The following ST3GAL5 variants were observed in gnomAD, a reference collection of about 807,000 sequenced individuals.
The protein encoded by ST3GAL5 is ST3 beta-galactoside alpha-2,3-sialyltransferase 5, also known as lactosylceramide alpha-2,3-sialyltransferase.
In ST3GAL5, 25 loss-of-function variants were observed where a neutral mutation model predicts 46.1. That is an observed-to-expected ratio of 0.54 (90% CI 0.40 to 0.76). ST3GAL5 has a LOEUF of 0.76. Among genes scored for constraint, ST3GAL5 ranks in the 30% least tolerant of loss-of-function variants. ST3GAL5 has a pLI of 0.00. For missense variants in ST3GAL5, 431 were observed against 521.2 expected, an observed-to-expected ratio of 0.83 and a Z score of 1.69; for synonymous variants, 182 against 192.7, an observed-to-expected ratio of 0.94 and a Z score of 0.46.
rs1682980267 is a variant in ST3GAL5, at chr2:85,847,759, C to A, written c.662+102G>T. On this transcript the variant is annotated intron_variant, in intron 4 of 6. Transcript: ENST00000638572. ...GCAGTGAGCTGAGATCACACCACTG[C>A]ACTCCAGCCTGGACAACAGGAGTGA... 6 of 1,466,706 alleles carry A rather than the reference C, an allele frequency of 4.1e-6. No individual in the cohort carries two copies. The South Asian group carries it at 7.6e-5, about 19-fold the overall frequency. 90.9% of individuals were successfully genotyped at this position (1,466,706 alleles called of 1,614,324 possible). A position where few individuals can be genotyped will look rare whatever the true frequency, so the allele number is the denominator to read the frequency against.
At chr2:85,886,395 TGGAGTACAACACAAG>T (rs1243501393) in intron 1 of ST3GAL5, among the ~76,000 whole-genome samples, 3 of 152,180 alleles carry the variant, frequency 2.0e-5, no homozygotes, top group African/African-American at 7.2e-5. Context: ...AGGCCGCGAC[TGGAGTACAACACAAG>T]GGGAGCTCCC....
At chr2:85,863,536 G>A (rs1180423816) in intron 1 of ST3GAL5, 51 bp from the exon 2 acceptor site, 2 of 1,602,986 alleles carry the variant, frequency 1.2e-6, no homozygotes, top group Non-Finnish European at 1.7e-6. Context: ...GAGAGAGTTA[G>A]GAGGATGGAT....
chr2:85,867,273 TG>T (rs1685389664), intron 1 of ST3GAL5, among the ~76,000 whole-genome samples: 1 of 152,222 alleles, frequency 6.6e-6, no homozygotes, highest in Admixed American at 6.5e-5. Context: ...CAGTGTAACC[TG>T]GAAGTGGGTT....
chr2:85,873,427 G>A (rs1035826336), intron 1 of ST3GAL5, among the ~76,000 whole-genome samples: 2 of 152,156 alleles, frequency 1.3e-5, no homozygotes, highest in Non-Finnish European at 2.9e-5. Flanking sequence ...TATTCAGGAA[G>A]GGGACATGAA....
intron 1 of ST3GAL5, among the ~76,000 whole-genome samples, chr2:85,876,462 CTTTT>C (rs59265377): frequency 1.8e-5 from 2 of 111,246 alleles, no homozygotes; most frequent in Admixed American, 1.1e-4. Flanking sequence ...TTTCTTTTTC[CTTTT>C]TTTTTTTTTT....
chr2:85,845,437 G>T (rs1427215785), intron 5 of ST3GAL5: 1 of 152,230 alleles, frequency 6.6e-6, no homozygotes, highest in African/African-American at 2.4e-5. Context: ...GCAAGTTCAT[G>T]TCTGGAGAAC....
At chr2:85,854,994 G>T (rs1008527850) in intron 3 of ST3GAL5, 3 of 152,284 alleles carry the variant, frequency 2.0e-5, no homozygotes, top group Non-Finnish European at 4.4e-5. Context: ...AAAGAATGCA[G>T]CAAATAGAGG....
At chr2:85,863,095 G>T (rs1294407568) in intron 2 of ST3GAL5, among the ~76,000 whole-genome samples, 1 of 152,210 alleles carries the variant, frequency 6.6e-6, no homozygotes, top group Non-Finnish European at 1.5e-5. Flanking sequence ...CACGGTGAGA[G>T]CTGCTCTCCC....
intron 1 of ST3GAL5, chr2:85,869,934 C>A: frequency 3.5e-6 from 1 of 284,618 alleles, no homozygotes; most frequent in Non-Finnish European, 7.3e-6. Context: ...AGCCACCCAG[C>A]CAATGGTGAG....
intron 1 of ST3GAL5, chr2:85,888,610 G>A (rs1458681058): frequency 1.0e-5 from 3 of 291,600 alleles, no homozygotes; most frequent in Non-Finnish European, 1.9e-5. Context: ...GTACACACCT[G>A]CGTGGGACCC....
At chr2:85,886,683 AGCT>A (rs2104267897) in intron 1 of ST3GAL5, among the ~76,000 whole-genome samples, 1 of 152,172 alleles carries the variant, frequency 6.6e-6, no homozygotes, top group South Asian at 2.1e-4. Context: ...CGTGTGCTTA[AGCT>A]GGCTGTCTCC....
chr2:85,838,523 TAAAC>T lies in ST3GAL5; in HGVS notation c.*1617_*1620del, dbSNP rs1333902554. The T allele has an allele frequency of 6.6e-6, 1 of 152,166 alleles. No individual in the cohort carries two copies. The highest frequency in any genetic ancestry group is 1.5e-5 in the Non-Finnish European group (1 of 68,040). 9.4% of individuals were successfully genotyped at this position (152,166 alleles called of 1,614,324 possible). A position where few individuals can be genotyped will look rare whatever the true frequency, so the allele number is the denominator to read the frequency against. ...GTGATAATCTTAAAACATTTTCTCT[TAAAC>T]AAGCAGTAGCTTATAGAGTAGGAAA... On this transcript the variant is annotated 3_prime_UTR_variant, in exon 7 of 7. Transcript: ENST00000638572.
chr2:85,888,992 G>T, upstream of ST3GAL5: 1 of 1,058,452 alleles, frequency 9.4e-7, no homozygotes, highest in Non-Finnish European at 1.2e-6. Flanking sequence ...CATTCAGCTG[G>T]GGGCCGCCGC....
intron 1 of ST3GAL5, among the ~76,000 whole-genome samples, chr2:85,882,623 G>A (rs10204648): frequency 0.55 from 83,907 of 151,596 alleles, 23,691 homozygotes; most frequent in East Asian, 0.68. Flanking sequence ...GAGGTCAGGA[G>A]TTCAAGACCA....
intron 1 of ST3GAL5, among the ~76,000 whole-genome samples, chr2:85,870,523 A>C (rs1384559605): frequency 6.6e-6 from 1 of 152,184 alleles, no homozygotes; most frequent in Non-Finnish European, 1.5e-5. Flanking sequence ...CCTCCGCATC[A>C]TGGCTTCAGC....
chr2:85,888,463 G>A (rs1234304415), intron 1 of ST3GAL5: 1 of 166,440 alleles, frequency 6.0e-6, no homozygotes, highest in East Asian at 1.6e-4. Flanking sequence ...CCCATCCCAG[G>A]AAAACGAGTT....
At chr2:85,866,934 A>G (rs1035395924) in intron 1 of ST3GAL5, among the ~76,000 whole-genome samples, 6 of 152,224 alleles carry the variant, frequency 3.9e-5, no homozygotes, top group African/African-American at 1.2e-4. Context: ...CATTTTCTCA[A>G]TACTGATTAA....
rs1276427885 is a variant in ST3GAL5 at position 85,838,158 on chromosome 2, TGA to T, written c.*1984_*1985del. The T allele has an allele frequency of 6.6e-6, 1 of 152,158 alleles. No homozygotes were observed. The highest frequency in any genetic ancestry group is 1.9e-4 in the East Asian group (1 of 5,196). The allele number at this position is 152,158 out of a possible 1,614,324, so 9.4% of individuals were successfully genotyped here. A position where few individuals can be genotyped will look rare whatever the true frequency, so the allele number is the denominator to read the frequency against. ...GCTTACCACCTGAGTAAGTAAAAGT[TGA>T]GAGACATGAGCAAAGCAACCTAAGG... On this transcript the variant is annotated 3_prime_UTR_variant, in exon 7 of 7. Transcript: ENST00000638572.
At chr2:85,878,060 C>A (rs1265739893) in intron 1 of ST3GAL5, among the ~76,000 whole-genome samples, 1 of 152,174 alleles carries the variant, frequency 6.6e-6, no homozygotes, top group East Asian at 1.9e-4. Context: ...GCCATCCTCA[C>A]ACCAATGCCT....
Sources: allele counts gnomAD v4.1 joint callset (sites outside exome capture counted in the v4.1 genomes callset), GRCh38; gene constraint gnomAD v4.1.1; transcripts MANE v1.5; gene names NCBI Gene and HGNC (gene_info 2026-07-23, HGNC 2026-07-21).